Variants in EPHA3 observed in about 807,000 individuals in gnomAD.
EPHA3 encodes the protein ephrin type-A receptor 3.
Under a neutral mutation model 107.1 loss-of-function variants are expected in EPHA3, and 42 were observed. The ratio of observed to expected loss-of-function variants is 0.39; its 90% CI spans 0.31 to 0.51. The LOEUF (loss-of-function observed/expected upper bound fraction) is 0.51. EPHA3 is among the 20% of genes least tolerant of loss of function. EPHA3 has a pLI of 0.78. For missense variants in EPHA3, 1,183 were observed against 1,211.2 expected (o/e 0.98, Z 0.35); for synonymous variants, 461 against 424.8 (o/e 1.09, Z -1.05).
intron 1 of EPHA3, among the ~76,000 whole-genome samples, chr3:89,126,123 G>A (rs1441076152): frequency 6.6e-6 from 1 of 151,552 alleles, no homozygotes; most frequent in East Asian, 1.9e-4. Flanking sequence ...TTATGTTTTG[G>A]TTTGTGTATA....
intron 3 of EPHA3, among the ~76,000 whole-genome samples, chr3:89,338,337 C>G (rs1707438511): frequency 6.6e-6 from 1 of 152,186 alleles, no homozygotes; most frequent in Non-Finnish European, 1.5e-5. Flanking sequence ...CTTCTACTAT[C>G]TATGTATGAT....
intron 3 of EPHA3, among the ~76,000 whole-genome samples, chr3:89,227,160 A>G (rs943852255): frequency 2.0e-5 from 3 of 152,092 alleles, no homozygotes; most frequent in Admixed American, 6.6e-5. Flanking sequence ...TCATATTTTT[A>G]TATGTTAAAC....
intron 2 of EPHA3, among the ~76,000 whole-genome samples, chr3:89,208,779 T>C (rs1185267655): frequency 6.6e-6 from 1 of 152,170 alleles, no homozygotes; most frequent in African/African-American, 2.4e-5. Flanking sequence ...ACATGTGGTT[T>C]AGGACCAGTT....
At chr3:89,197,383 C>T (rs1705860196) in intron 2 of EPHA3, among the ~76,000 whole-genome samples, 1 of 150,162 alleles carries the variant, frequency 6.7e-6, no homozygotes, top group Admixed American at 6.7e-5. Flanking sequence ...TGAGGCTTAA[C>T]ATACTGCCTG....
chr3:89,377,209 CTA>C lies in EPHA3; in HGVS notation c.1307-18625_1307-18624del, dbSNP rs201508944. Among the ~76,000 whole-genome samples, 795 of 152,156 alleles carry C rather than the reference CTA, an allele frequency of 5.2e-3. 8 individuals are homozygous for C. The highest frequency in any genetic ancestry group is 0.018 in the African/African-American group (761 of 41,516). ...ACCTAAAGCACTTCCCAACCTGTCTCTATACATTCTTTTAGTGAATGAAGAGA... is the reference window on the plus strand; with the variant it reads ...ACCTAAAGCACTTCCCAACCTGTCTCTACATTCTTTTAGTGAATGAAGAGA... On this transcript the variant is annotated intron_variant, in intron 5 of 16. Transcript: ENST00000336596.
At chr3:89,438,949 C>G (rs962167145) in intron 13 of EPHA3, among the ~76,000 whole-genome samples, 1 of 152,098 alleles carries the variant, frequency 6.6e-6, no homozygotes, top group Non-Finnish European at 1.5e-5. Context: ...ATGTAAAAAA[C>G]AACTATCCAG....
At chr3:89,116,989 C>T (rs540080242) in intron 1 of EPHA3, among the ~76,000 whole-genome samples, 3 of 151,988 alleles carry the variant, frequency 2.0e-5, no homozygotes, top group Non-Finnish European at 4.4e-5. Context: ...TGTAAACTGA[C>T]TTTAAAGGCT....
At chr3:89,416,206 T>TCAGAATA (rs1709243155) in intron 10 of EPHA3, among the ~76,000 whole-genome samples, 1 of 151,382 alleles carries the variant, frequency 6.6e-6, no homozygotes, top group Admixed American at 6.6e-5. Context: ...TGCATTTTAA[T>TCAGAATA]CAGAATACAG....
chr3:89,383,207 C>A (rs1233235022), intron 5 of EPHA3, among the ~76,000 whole-genome samples: 1 of 152,136 alleles, frequency 6.6e-6, no homozygotes, highest in African/African-American at 2.4e-5. Context: ...AAGATTAAGA[C>A]CAGCACATAT....
At chr3:89,442,150 A>G (rs1273142300) in intron 13 of EPHA3, among the ~76,000 whole-genome samples, 1 of 152,164 alleles carries the variant, frequency 6.6e-6, no homozygotes, top group African/African-American at 2.4e-5. Flanking sequence ...AAAGAAAAAG[A>G]AAAGGAAGGA....
intron 3 of EPHA3, 118 bp from the exon 4 acceptor site, chr3:89,340,798 G>A: frequency 9.2e-7 from 1 of 1,090,758 alleles, no homozygotes; most frequent in African/African-American, 1.6e-5. Context: ...TAAATTCTTG[G>A]AGGAAAAAAC....
intron 2 of EPHA3, among the ~76,000 whole-genome samples, chr3:89,155,413 A>T (rs1241908521): frequency 6.6e-6 from 1 of 152,082 alleles, no homozygotes; most frequent in Non-Finnish European, 1.5e-5. Flanking sequence ...GACAATATGT[A>T]CTGTTTCATT....
chr3:89,276,649 T>A (rs1214048857), intron 3 of EPHA3, among the ~76,000 whole-genome samples: 1 of 152,110 alleles, frequency 6.6e-6, no homozygotes, highest in Non-Finnish European at 1.5e-5. Flanking sequence ...GGAAAAAATA[T>A]GAAATATGTT....
In EPHA3 at chr3:89,399,296, A is replaced by T. The variant is rs373483364; in HGVS notation, c.1432-22A>T. 101 of 1,570,280 alleles carry T rather than the reference A, an allele frequency of 6.4e-5. No individual in the cohort carries two copies. In the African/African-American group the frequency reaches 6.8e-4, roughly 11 times the overall value. The stretch of plus-strand genomic sequence containing the variant: ...TTATGAAGATTTGATTTTAACATGA[A>T]TTTTTTTTTCTGACCTCAAAGCAGG... On this transcript the variant is annotated intron_variant, in intron 6 of 16. Coordinates refer to ENST00000336596, the MANE Select transcript of EPHA3 (RefSeq NM_005233.6).
chr3:89,360,173 C>T (rs1708061671), intron 5 of EPHA3, among the ~76,000 whole-genome samples: 1 of 150,570 alleles, frequency 6.6e-6, no homozygotes, highest in Non-Finnish European at 1.5e-5. Context: ...CATATGCCAC[C>T]AGGACTCCTA....
At chr3:89,310,880 C>A (rs1224254558) in intron 3 of EPHA3, among the ~76,000 whole-genome samples, 1 of 151,922 alleles carries the variant, frequency 6.6e-6, no homozygotes, top group Non-Finnish European at 1.5e-5. Context: ...TCTTCTGAAG[C>A]TGTCTTAGCC....
chr3:89,360,788 G>A lies in EPHA3; in HGVS notation c.1306+18698G>A, dbSNP rs765942305. On this transcript the variant is annotated intron_variant, in intron 5 of 16. Transcript: ENST00000336596. ...ATTATTTATTTTATTGCATAAATTA[G>A]CAATGTTTGCAGTTTTTTAAATTAT... Among the ~76,000 whole-genome samples the A allele has an allele frequency of 3.3e-5, 5 of 151,010 alleles. 1 individual carries two copies. Among genetic ancestry groups the A allele is most frequent in the East Asian group, 1.9e-4 (1 of 5,164 alleles).
chr3:89,359,832 T>TATATATAC (rs747927767), intron 5 of EPHA3, among the ~76,000 whole-genome samples: 1 of 128,122 alleles, frequency 7.8e-6, no homozygotes, highest in Non-Finnish European at 1.7e-5. Context: ...CATATATATA[T>TATATATAC]ACATATATAT....
intron 12 of EPHA3, 152 bp downstream of exon 12, chr3:89,429,319 T>C: frequency 2.0e-6 from 1 of 501,892 alleles, no homozygotes; most frequent in Non-Finnish European, 3.4e-6. Context: ...GGCTGTAAAA[T>C]TGCATCTTTT....
Sources: gnomAD v4.1 joint callset for allele counts (sites outside exome capture counted in the v4.1 genomes callset) on GRCh38, gnomAD v4.1.1 for gene constraint, MANE v1.5 for transcripts, NCBI Gene and HGNC (gene_info 2026-07-23, HGNC 2026-07-21) for gene names.